Variants in FOXN3 observed in about 807,000 individuals in gnomAD.
FOXN3 encodes the protein forkhead box protein N3.
A neutral mutation model predicts 38.4 loss-of-function variants in FOXN3; 7 were observed. The observed-to-expected ratio is 0.18, with a 90% CI of 0.10 to 0.34. FOXN3 has a LOEUF of 0.34. Ranked by LOEUF, FOXN3 falls within the 10% of genes least tolerant of loss-of-function variation. The pLI is 1.00. For missense variants in FOXN3, 456 were observed against 613.4 expected (o/e 0.74, Z 2.71); for synonymous variants, 230 against 242.2 (o/e 0.95, Z 0.47).
intron 1 of FOXN3, among the ~76,000 whole-genome samples, chr14:89,568,393 C>A (rs929148778): frequency 1.3e-5 from 2 of 152,138 alleles, no homozygotes; most frequent in African/African-American, 4.8e-5. Context: ...CTAGAATAAA[C>A]CTAACCTCCT....
chr14:89,214,115 G>A (rs1358112078), intron 4 of FOXN3, among the ~76,000 whole-genome samples: 2 of 152,192 alleles, frequency 1.3e-5, no homozygotes, highest in Non-Finnish European at 2.9e-5. Context: ...CAACTTTGAT[G>A]ATATATCTTT....
At chr14:89,313,475 T>G (rs1003074565) in intron 3 of FOXN3, among the ~76,000 whole-genome samples, 4 of 151,944 alleles carry the variant, frequency 2.6e-5, no homozygotes, top group African/African-American at 9.7e-5. Context: ...GGGGAATCGC[T>G]TGAACCTGGG....
At chr14:89,421,888 A>G (rs1422669969), upstream of FOXN3, among the ~76,000 whole-genome samples, 1 of 151,832 alleles carries the variant, frequency 6.6e-6, no homozygotes, top group Non-Finnish European at 1.5e-5. Context: ...ACATATATAC[A>G]TTAATTTATT....
intron 3 of FOXN3, chr14:89,333,221 G>A: frequency 6.3e-6 from 1 of 159,938 alleles, no homozygotes; most frequent in Non-Finnish European, 1.4e-5. Context: ...GAGGTCAGGA[G>A]TTCAAGACCA....
chr14:89,436,615 C>T (rs1356786738), intron 1 of FOXN3, among the ~76,000 whole-genome samples: 1 of 152,210 alleles, frequency 6.6e-6, no homozygotes, highest in African/African-American at 2.4e-5. Flanking sequence ...TCAACAAGAT[C>T]CCCCTGTCGT....
intron 4 of FOXN3, among the ~76,000 whole-genome samples, chr14:89,220,183 G>A (rs959061034): frequency 6.6e-5 from 10 of 152,180 alleles, no homozygotes; most frequent in East Asian, 5.8e-4. Context: ...ATTCATTTGC[G>A]GCCTCCCTTG....
At chr14:89,474,008 GCAGTCTAAGA>G (rs1893161576) in intron 1 of FOXN3, among the ~76,000 whole-genome samples, 1 of 152,098 alleles carries the variant, frequency 6.6e-6, no homozygotes, top group Non-Finnish European at 1.5e-5. Flanking sequence ...CAGTTGCAAT[GCAGTCTAAGA>G]AAGTCTGCTA....
chr14:89,279,357 T>C (rs184148730), intron 4 of FOXN3, among the ~76,000 whole-genome samples: 2 of 152,286 alleles, frequency 1.3e-5, no homozygotes, highest in African/African-American at 4.8e-5. Context: ...ACCTTATCAA[T>C]ATTAATATTT....
chr14:89,454,443 G>A (rs770947475), intron 1 of FOXN3, among the ~76,000 whole-genome samples: 2 of 152,202 alleles, frequency 1.3e-5, no homozygotes, highest in Admixed American at 6.5e-5. Flanking sequence ...TATTGTTTAA[G>A]CCACCTAGTT....
At chr14:89,204,115 A>T (rs1888315961) in intron 4 of FOXN3, among the ~76,000 whole-genome samples, 1 of 150,228 alleles carries the variant, frequency 6.7e-6, no homozygotes, top group Non-Finnish European at 1.5e-5. Context: ...CTACTACTAC[A>T]ACCACCCACA....
At position 89,530,097 on chromosome 14, in the gene FOXN3, G is replaced by A. The variant is rs1279925972; in HGVS notation, c.-15+88931C>T. Among the ~76,000 whole-genome samples, 16 of 151,964 alleles carry A rather than the reference G, an allele frequency of 1.1e-4. 1 individual carries two copies. In the East Asian group the frequency reaches 1.7e-3, roughly 17 times the overall value. ...TAGGATTACAGGTGTGTGCCACCAC[G>A]CCTGGCTAATTTTTGTATTTTTAGT... On this transcript the variant is annotated intron_variant, in intron 1 of 6. Coordinates refer to the FOXN3 transcript ENST00000345097.
rs1157537477 is a variant in FOXN3 at position 89,312,203 on chromosome 14, T to C, written c.681-31189A>G. ...GGGAGGCTGAGGAATGAGAGTCACA[T>C]GAACCTGTGAGACAGAGATTGCAGT... On this transcript the variant is annotated intron_variant, in intron 3 of 5. Transcript: ENST00000557258. 2.1e-5 allele frequency among the ~76,000 whole-genome samples: 3 copies of C among 143,334 alleles called. No individual in the cohort carries two copies. The Admixed American group carries it at 2.3e-4, about 11-fold the overall frequency. 94.0% of individuals were successfully genotyped at this position (143,334 alleles called of 152,430 possible).
intron 3 of FOXN3, among the ~76,000 whole-genome samples, chr14:89,297,536 G>A (rs966178291): frequency 6.7e-6 from 1 of 148,652 alleles, no homozygotes; most frequent in African/African-American, 2.4e-5. Context: ...CTCCAGCCTG[G>A]GCAACAGAGC....
At chr14:89,283,003 G>C (rs1886507457) in intron 3 of FOXN3, among the ~76,000 whole-genome samples, 1 of 152,150 alleles carries the variant, frequency 6.6e-6, no homozygotes, top group Non-Finnish European at 1.5e-5. Context: ...TACTCTAGTA[G>C]TGGAGAGAGA....
intron 1 of FOXN3, among the ~76,000 whole-genome samples, chr14:89,512,630 G>A (rs906850861): frequency 3.3e-5 from 5 of 152,238 alleles, no homozygotes; most frequent in African/African-American, 1.2e-4. Flanking sequence ...CTTTCTCATG[G>A]AGAATTTATG....
chr14:89,179,583 A>G (rs1887610252), intron 5 of FOXN3, among the ~76,000 whole-genome samples: 1 of 152,240 alleles, frequency 6.6e-6, no homozygotes, highest in Non-Finnish European at 1.5e-5. Context: ...GTGATGCGGC[A>G]TCAGACAACT....
intron 3 of FOXN3, among the ~76,000 whole-genome samples, chr14:89,315,703 G>A (rs992072674): frequency 5.6e-4 from 85 of 152,156 alleles, no homozygotes; most frequent in Admixed American, 5.6e-3. Context: ...GATCTGCGTG[G>A]GCTATATTGC....
chr14:89,192,198 C>A (rs1887968099), intron 4 of FOXN3, among the ~76,000 whole-genome samples: 1 of 145,974 alleles, frequency 6.9e-6, no homozygotes, highest in East Asian at 2.0e-4. Flanking sequence ...AACTACAATG[C>A]ACATTAAATA....
At chr14:89,312,582 T>C (rs764892561) in intron 3 of FOXN3, among the ~76,000 whole-genome samples, 3 of 152,040 alleles carry the variant, frequency 2.0e-5, no homozygotes, top group Non-Finnish European at 2.9e-5. Context: ...CCTTGGTCCA[T>C]AAATTCAGCT....
Sources: gnomAD v4.1 joint callset for allele counts (sites outside exome capture counted in the v4.1 genomes callset) on GRCh38, gnomAD v4.1.1 for gene constraint, MANE v1.5 for transcripts, NCBI Gene and HGNC (gene_info 2026-07-23, HGNC 2026-07-21) for gene names.